The following MRPL16 variants were observed in gnomAD, a reference collection of about 807,000 sequenced individuals.
The protein encoded by MRPL16 is large ribosomal subunit protein uL16m.
Under a neutral mutation model 22.7 loss-of-function variants are expected in MRPL16, and 17 were observed. The ratio of observed to expected loss-of-function variants is 0.75; its 90% confidence interval spans 0.51 to 1.12. The LOEUF is 1.12. MRPL16 is among the 50% of genes most tolerant of loss of function. The pLI is 0.00. For missense variants in MRPL16, 316 were observed against 328.7 expected (o/e 0.96, Z 0.30); for synonymous variants, 103 against 112.8 (o/e 0.91, Z 0.55).
rs1251770061 is a variant in MRPL16, at chr11:59,809,870, C to G, written c.106G>C (p.Val36Leu). The G allele has an allele frequency of 6.2e-7, 1 of 1,613,302 alleles. No individual in the cohort carries two copies. Among genetic ancestry groups the G allele is most frequent in the Non-Finnish European group, 8.5e-7 (1 of 1,179,724 alleles). ...AAGCTCTCACCTTCAAAACTTGGTACTGGGAGCAGTGTCTTTACGCCAGCA... is the reference window on the plus strand; with the variant it reads ...AAGCTCTCACCTTCAAAACTTGGTAGTGGGAGCAGTGTCTTTACGCCAGCA... ...ASAGVKTLLP[V>L]PSFEDVSIPE... Residue 36 changes from valine (V) to leucine (L), a missense_variant, in exon 2 of 4, where the codon GTA (valine) becomes CTA (leucine). Coordinates refer to ENST00000300151, the MANE Select transcript of MRPL16 (RefSeq NM_017840.4).
chr11:59,810,351 A>T, intron 1 of MRPL16: 1 of 1,358,992 alleles, frequency 7.4e-7, no homozygotes, highest in African/African-American at 1.5e-5. Flanking sequence ...TGGGATGCGG[A>T]TTCCACTAAA....
At position 59,806,561 on chromosome 11, in the gene MRPL16, T is replaced by C. The variant is rs764422098; in HGVS notation, c.542A>G (p.His181Arg). Residue 181 changes from histidine (H) to arginine (R), a missense_variant, in exon 4 of 4, where the codon CAC becomes CGC. His to Arg is a conservative substitution (Grantham distance 29). Transcript: ENST00000300151. ...AGCCTTTGCTGCGAAGGGCAACTTG[T>C]GGGCAACCTGGTCAAGGAAACCTTG... ...EVQGFLDQVAHKLPFAAKAVS... is the reference protein window; with the variant it reads ...EVQGFLDQVARKLPFAAKAVS... 148 of 1,614,136 alleles carry C rather than the reference T, an allele frequency of 9.2e-5. No individual in the cohort carries two copies. The highest frequency in any genetic ancestry group is 1.6e-4 in the Middle Eastern group (1 of 6,084).
Position 59,810,446 on chromosome 11 carries a change from G to A in MRPL16, c.55+158C>T, listed in dbSNP as rs181303564. On this transcript the variant is annotated intron_variant, in intron 1 of 3. Coordinates refer to ENST00000300151, the MANE Select transcript of MRPL16 (RefSeq NM_017840.4). Reference sequence around the variant, plus strand: ...AGACGCAGCTGTGACCCTCTTGCACGAACCCCTACGGTGGAGGTCGGCGGT... The same window carrying A: ...AGACGCAGCTGTGACCCTCTTGCACAAACCCCTACGGTGGAGGTCGGCGGT... 2.0e-5 allele frequency: 30 copies of A among 1,465,918 alleles called. No individual in the cohort carries two copies. The Admixed American group carries it at 7.7e-4, about 38-fold the overall frequency. The allele number at this position is 1,465,918 out of a possible 1,614,324, so 90.8% of individuals were successfully genotyped here. A position where few individuals can be genotyped will look rare whatever the true frequency, so the allele number is the denominator to read the frequency against.
intron 1 of MRPL16, 58 bp downstream of exon 1, chr11:59,810,546 C>A: frequency 6.2e-7 from 1 of 1,609,810 alleles, no homozygotes; most frequent in East Asian, 2.2e-5. Flanking sequence ...AGAAAAAGCA[C>A]TGGAGGGTGG....
Position 59,806,380 on chromosome 11 carries a change from G to C in MRPL16, c.723C>G (p.Tyr241Ter). 4 of 1,614,196 alleles carry C rather than the reference G, an allele frequency of 2.5e-6. No homozygotes were observed. The highest frequency in any genetic ancestry group is 3.4e-6 in the Non-Finnish European group (4 of 1,180,026). Residue 241 changes from tyrosine (Y) to a stop codon, truncating the protein, a stop_gained, in exon 4 of 4, where the codon TAC becomes TAG. Transcript: ENST00000300151. LOFTEE classifies it high-confidence loss of function. ...SPYDLTHKGKYWGKFYMPKRV is the reference protein window; with the variant it reads ...SPYDLTHKGK ...GTTTGGGCATGTAGAACTTGCCCCA[G>C]TATTTCCCCTTGTGGGTCAAGTCAT...
intron 2 of MRPL16, 53 bp from the exon 3 acceptor site, chr11:59,807,902 T>A: frequency 6.8e-7 from 1 of 1,471,818 alleles, no homozygotes; most frequent in Non-Finnish European, 9.1e-7. Flanking sequence ...TCTCAAAAGA[T>A]CTATTTTCCT....
chr11:59,810,023 T>C lies in MRPL16; in HGVS notation c.56-103A>G, dbSNP rs143305012. The C allele has an allele frequency of 5.2e-4, 516 of 988,994 alleles. 1 individual carries two copies. The African/African-American group carries it at 7.4e-3, about 14-fold the overall frequency. 61.3% of individuals were successfully genotyped at this position (988,994 alleles called of 1,614,324 possible). Reference sequence around the variant, plus strand: ...CTTATTTTTATTTATTTTATTTTTTTGAGACGGAGTCTTACTCTGTCGCCC... The same window carrying C: ...CTTATTTTTATTTATTTTATTTTTTCGAGACGGAGTCTTACTCTGTCGCCC... On this transcript the variant is annotated intron_variant, in intron 1 of 3. Coordinates refer to ENST00000300151, the MANE Select transcript of MRPL16 (RefSeq NM_017840.4).
At chr11:59,807,886 T>G in intron 2 of MRPL16, 37 bp from the exon 3 acceptor site, 1 of 1,537,092 alleles carries the variant, frequency 6.5e-7, no homozygotes, top group Non-Finnish European at 8.8e-7. Flanking sequence ...AAAGTAAAAC[T>G]ATACATCTCA....
intron 3 of MRPL16, among the ~76,000 whole-genome samples, 174 bp from the exon 4 acceptor site, chr11:59,807,006 G>C (rs1866110479): frequency 6.6e-6 from 1 of 152,184 alleles, no homozygotes; most frequent in Non-Finnish European, 1.5e-5. Context: ...AGAGTGAAGG[G>C]GGACCCATTT....
At position 59,810,695 on chromosome 11, in the gene MRPL16, G is replaced by A; in HGVS notation, c.-37C>T. Reference sequence around the variant, plus strand: ...TCCGGCGGCGCGGAGCTCCCCCAGCGACTCCGGCTGTCTCCTGCACCCAGG... The same window carrying A: ...TCCGGCGGCGCGGAGCTCCCCCAGCAACTCCGGCTGTCTCCTGCACCCAGG... On this transcript the variant is annotated 5_prime_UTR_variant, in exon 1 of 4. Coordinates refer to ENST00000300151, the MANE Select transcript of MRPL16 (RefSeq NM_017840.4). 6.2e-7 allele frequency: 1 copy of A among 1,612,872 alleles called. No individual in the cohort carries two copies. The highest frequency in any genetic ancestry group is 2.2e-5 in the East Asian group (1 of 44,870).
chr11:59,806,818 G>C lies in MRPL16; in HGVS notation c.285C>G (p.Gly95=). 2 of 1,608,118 alleles carry C rather than the reference G, an allele frequency of 1.2e-6. No individual in the cohort carries two copies. The highest frequency in any genetic ancestry group is 1.7e-6 in the Non-Finnish European group (2 of 1,174,866). Reference sequence around the variant, plus strand: ...TTTCAAAGTGGCCCCAATGCAGGTAGCCACCACCCAATGCCTAAAAGTGAA... The same window carrying C: ...TTTCAAAGTGGCCCCAATGCAGGTACCCACCACCCAATGCCTAAAAGTGAA... The part of the protein sequence containing the change: ...GNFAILALGG[G]YLHWGHFEMM... Residue 95 remains glycine (G), a synonymous_variant, in exon 4 of 4, where the codon GGC becomes GGG. Coordinates refer to ENST00000300151, the MANE Select transcript of MRPL16 (RefSeq NM_017840.4).
intron 2 of MRPL16, 111 bp downstream of exon 2, chr11:59,809,743 TG>T: frequency 1.1e-6 from 1 of 910,082 alleles, no homozygotes; most frequent in Non-Finnish European, 1.7e-6. Context: ...ACATATTTAT[TG>T]AAAGAGTGAA....
In MRPL16 at chr11:59,806,237, C is replaced by T. The variant is rs1344494119; in HGVS notation, c.*110G>A. On this transcript the variant is annotated 3_prime_UTR_variant, in exon 4 of 4. Transcript: ENST00000300151. ...TTCAGAAATCTACTCAAATGCTGCT[C>T]CTTAGTTATGGCTTAAGAGCTACCC... 2 of 1,180,176 alleles carry T rather than the reference C, an allele frequency of 1.7e-6. No individual in the cohort carries two copies. Among genetic ancestry groups the T allele is most frequent in the Non-Finnish European group, 2.4e-6 (2 of 837,290 alleles). 73.1% of individuals were successfully genotyped at this position (1,180,176 alleles called of 1,614,324 possible). A position where few individuals can be genotyped will look rare whatever the true frequency, so the allele number is the denominator to read the frequency against.
chr11:59,806,959 A>G, intron 3 of MRPL16, 127 bp from the exon 4 acceptor site: 1 of 1,345,236 alleles, frequency 7.4e-7, no homozygotes, highest in Non-Finnish European at 1.0e-6. Context: ...AAGTTCTAAT[A>G]AGTCCCATGG....
intron 3 of MRPL16, 115 bp from the exon 4 acceptor site, chr11:59,806,947 C>CT: frequency 1.4e-6 from 2 of 1,416,186 alleles, no homozygotes; most frequent in South Asian, 2.8e-5. Flanking sequence ...AAATAAAAAT[C>CT]TAAGTTCTAA....
chr11:59,807,705 AT>A lies in MRPL16; in HGVS notation c.265del (p.Ile89SerfsTer16), dbSNP rs756861117. 1.2e-6 allele frequency: 2 copies of A among 1,609,394 alleles called. No homozygotes were observed. The highest frequency in any genetic ancestry group is 1.7e-6 in the Non-Finnish European group (2 of 1,178,484). On this transcript the variant is annotated frameshift_variant, in exon 3 of 4. Coordinates refer to ENST00000300151, the MANE Select transcript of MRPL16 (RefSeq NM_017840.4). LOFTEE classifies it high-confidence loss of function. ...ATEFTEGNFA[I>X]LALGGGYLHW... is the part of the protein sequence containing the mutation. ...CTCGATGCTGAATTCACTCACCAAG[AT>A]TGCAAAATTGCCTTCTGTAAACTCC... is the stretch of plus-strand genomic sequence containing the variant.
At position 59,810,548 on chromosome 11, in the gene MRPL16, G is replaced by A. The variant is rs959568722; in HGVS notation, c.55+56C>T. The A allele has an allele frequency of 3.7e-6, 6 of 1,609,444 alleles. No homozygotes were observed. In the East Asian group the frequency reaches 1.1e-4, roughly 30 times the overall value. On this transcript the variant is annotated intron_variant, in intron 1 of 3. Transcript: ENST00000300151. ...TTTTGGGTTAGGGAGAAAAAGCACT[G>A]GAGGGTGGGGGAGGAAGAGGGGTAA...
At position 59,807,595 on chromosome 11, in the gene MRPL16, T is replaced by C. The variant is rs1590847172; in HGVS notation, c.270+106A>G. 3.1e-6 allele frequency: 4 copies of C among 1,298,514 alleles called. No individual in the cohort carries two copies. The East Asian group carries it at 9.5e-5, about 31-fold the overall frequency. The allele number at this position is 1,298,514 out of a possible 1,614,324, so 80.4% of individuals were successfully genotyped here. A position where few individuals can be genotyped will look rare whatever the true frequency, so the allele number is the denominator to read the frequency against. ...CAGTTTAAAGAGCAACTGGTGGCAG[T>C]TCTAATAAAAACTGTGGAGGAAGAG... On this transcript the variant is annotated intron_variant, in intron 3 of 3. Transcript: ENST00000300151.
At chr11:59,808,125 A>T (rs1220237580) in intron 2 of MRPL16, among the ~76,000 whole-genome samples, 1 of 152,198 alleles carries the variant, frequency 6.6e-6, no homozygotes, top group African/African-American at 2.4e-5. Context: ...CTGTAAAGGT[A>T]TATTACATTT....
Sources: gnomAD v4.1 joint callset for allele counts (sites outside exome capture counted in the v4.1 genomes callset) on GRCh38, gnomAD v4.1.1 for gene constraint, MANE v1.5 for transcripts, NCBI Gene and HGNC (gene_info 2026-07-23, HGNC 2026-07-21) for gene names.